The following GFRA2 variants were observed in gnomAD, a reference collection of about 807,000 sequenced individuals.
GFRA2 encodes GDNF family receptor alpha-2.
Under a neutral mutation model 48.3 loss-of-function variants are expected in GFRA2, and 17 were observed. That is an observed-to-expected ratio of 0.35 (90% CI 0.24 to 0.53). The LOEUF (loss-of-function observed/expected upper bound fraction) is 0.53. GFRA2 is among the 20% of genes least tolerant of loss of function. GFRA2 has a pLI of 0.93. For synonymous variants in GFRA2, 305 were observed against 257.2 expected (o/e 1.19, Z -1.78); for missense variants, 660 against 637.3 (o/e 1.04, Z -0.38).
At chr8:21,757,504 TCC>T (rs1805626459) in intron 3 of GFRA2, among the ~76,000 whole-genome samples, 1 of 149,112 alleles carries the variant, frequency 6.7e-6, no homozygotes. Context: ...AATTCCTTAA[TCC>T]TTTTTTTTGA....
intron 4 of GFRA2, among the ~76,000 whole-genome samples, chr8:21,716,592 G>A (rs907714419): frequency 6.6e-6 from 1 of 152,124 alleles, no homozygotes. Flanking sequence ...AAAAGACAAC[G>A]GCTATACTGT....
At chr8:21,710,271 C>A (rs73669519) in intron 4 of GFRA2, among the ~76,000 whole-genome samples, 1 of 152,186 alleles carries the variant, frequency 6.6e-6, no homozygotes, top group Non-Finnish European at 1.5e-5. Context: ...TGAGTGAGGG[C>A]GCTTGGAATG....
chr8:21,738,496 G>T (rs1804594279), intron 4 of GFRA2, among the ~76,000 whole-genome samples: 3 of 151,750 alleles, frequency 2.0e-5, no homozygotes, highest in African/African-American at 7.3e-5. Flanking sequence ...GCGGCCAAAG[G>T]GATCTTTCTA....
At chr8:21,712,031 A>C (rs528322702) in intron 4 of GFRA2, among the ~76,000 whole-genome samples, 5 of 152,272 alleles carry the variant, frequency 3.3e-5, no homozygotes, top group Non-Finnish European at 7.3e-5. Context: ...CCCAAGGAAG[A>C]AGAATTTTTC....
At chr8:21,800,175 G>A (rs1188698419) in intron 2 of GFRA2, among the ~76,000 whole-genome samples, 2 of 152,122 alleles carry the variant, frequency 1.3e-5, no homozygotes, top group Non-Finnish European at 2.9e-5. Context: ...TCCAGAACCA[G>A]CAAAACTGAT....
chr8:21,757,165 G>A (rs1487359515), intron 3 of GFRA2, among the ~76,000 whole-genome samples: 1 of 152,102 alleles, frequency 6.6e-6, no homozygotes, highest in Non-Finnish European at 1.5e-5. Flanking sequence ...AGCAGCAGAG[G>A]GGCAGGACAG....
chr8:21,761,725 G>A (rs959257647), intron 3 of GFRA2, among the ~76,000 whole-genome samples: 1 of 152,144 alleles, frequency 6.6e-6, no homozygotes, highest in East Asian at 1.9e-4. Flanking sequence ...CAAGGTGGGT[G>A]GATTGCTTGA....
Position 21,759,542 on chromosome 8 carries a change from G to GAAGGAAGGA in GFRA2, c.440-8601_440-8600insTCCTTCCTT, listed in dbSNP as rs1491237203. ...GGAAGGAAGGAAGGAAGGAAGGAAG[G>GAAGGAAGGA]AGGGAAGGAAGGAAGGAAAGAAATT... On this transcript the variant is annotated intron_variant, in intron 3 of 8. Coordinates refer to ENST00000524240, the MANE Select transcript of GFRA2 (RefSeq NM_001495.5). 2.7e-5 allele frequency among the ~76,000 whole-genome samples: 4 copies of GAAGGAAGGA among 148,918 alleles called. No homozygotes were observed. The South Asian group carries it at 6.6e-4, about 25-fold the overall frequency.
chr8:21,808,980 T>C lies in GFRA2; in HGVS notation c.-148+3251A>G, dbSNP rs1316515705. Reference sequence around the variant, plus strand: ...GGGTATTTTTAGAAGCTGCCTCAAATGCATTGTGGAATGAAGCAGGGTATG... The same window carrying C: ...GGGTATTTTTAGAAGCTGCCTCAAACGCATTGTGGAATGAAGCAGGGTATG... On this transcript the variant is annotated intron_variant, in intron 1 of 10. Transcript: ENST00000517328. Among the ~76,000 whole-genome samples, 3 of 152,266 alleles carry C rather than the reference T, an allele frequency of 2.0e-5. No homozygotes were observed. The East Asian group carries it at 5.8e-4, about 29-fold the overall frequency.
chr8:21,776,263 C>G (rs921488973), intron 2 of GFRA2, among the ~76,000 whole-genome samples: 1 of 152,030 alleles, frequency 6.6e-6, no homozygotes, highest in African/African-American at 2.4e-5. Flanking sequence ...GCAGGCTCAC[C>G]GAGCAAGGAG....
At chr8:21,794,166 T>C (rs1303753691) in intron 2 of GFRA2, among the ~76,000 whole-genome samples, 3 of 151,258 alleles carry the variant, frequency 2.0e-5, no homozygotes, top group African/African-American at 7.3e-5. Flanking sequence ...AAATTACTTT[T>C]AAAATCTGTA....
At chr8:21,751,443 C>T (rs185255777) in intron 3 of GFRA2, among the ~76,000 whole-genome samples, 78 of 152,300 alleles carry the variant, frequency 5.1e-4, no homozygotes, top group Middle Eastern at 3.4e-3. Flanking sequence ...CTGGTGAGAG[C>T]CAGATGGGAG....
At chr8:21,696,275 A>C (rs2117321603) in intron 7 of GFRA2, among the ~76,000 whole-genome samples, 1 of 151,490 alleles carries the variant, frequency 6.6e-6, no homozygotes, top group East Asian at 1.9e-4. Flanking sequence ...ACAGAGGCAG[A>C]AGCTCCCTGC....
rs1164026270 is a variant in GFRA2 at position 21,788,679 on chromosome 8, G to A, written c.-520C>T. The stretch of plus-strand genomic sequence containing the variant: ...AATCCAGTCGGAGCTTCGAGGACGA[G>A]AGACTGGAGTCGCTTCTTTCGCACC... On this transcript the variant is annotated 5_prime_UTR_variant, in exon 1 of 9. Transcript: ENST00000524240. 2.0e-6 allele frequency: 2 copies of A among 985,704 alleles called. No individual in the cohort carries two copies. The highest frequency in any genetic ancestry group is 3.5e-5 in the African/African-American group (2 of 57,294). The allele number at this position is 985,704 out of a possible 1,614,324, so 61.1% of individuals were successfully genotyped here.
intron 7 of GFRA2, among the ~76,000 whole-genome samples, chr8:21,701,096 G>T (rs1374322356): frequency 6.6e-6 from 1 of 152,234 alleles, no homozygotes; most frequent in East Asian, 1.9e-4. Flanking sequence ...GATAGCAGGT[G>T]CTCATTAAAA....
upstream of GFRA2, chr8:21,789,938 C>A (rs1244548908): frequency 8.1e-6 from 3 of 368,658 alleles, no homozygotes; most frequent in African/African-American, 6.6e-5. Flanking sequence ...GGCCGGGGCT[C>A]CGCAGCCGGC....
intron 4 of GFRA2, among the ~76,000 whole-genome samples, chr8:21,737,368 C>CAA (rs112229992): frequency 9.1e-5 from 13 of 143,196 alleles, no homozygotes; most frequent in Admixed American, 7.6e-4. Context: ...GACTCCGTCT[C>CAA]AAAAAAAAAA....
At chr8:21,785,401 AC>A (rs1221017623) in intron 1 of GFRA2, among the ~76,000 whole-genome samples, 5 of 152,166 alleles carry the variant, frequency 3.3e-5, no homozygotes, top group Non-Finnish European at 7.4e-5. Context: ...GACCCCCAGA[AC>A]CAATCAAGCC....
chr8:21,737,005 C>T (rs1228835554), intron 4 of GFRA2, among the ~76,000 whole-genome samples: 3 of 151,754 alleles, frequency 2.0e-5, no homozygotes, highest in Non-Finnish European at 4.4e-5. Flanking sequence ...ACAGCAGGTC[C>T]GAGTTACACA....
Sources: gnomAD v4.1 joint callset for allele counts (sites outside exome capture counted in the v4.1 genomes callset) on GRCh38, gnomAD v4.1.1 for gene constraint, MANE v1.5 for transcripts, NCBI Gene and HGNC (gene_info 2026-07-23, HGNC 2026-07-21) for gene names.